Variants in NCOR1 observed in about 807,000 individuals in gnomAD.
NCOR1 encodes the protein nuclear receptor corepressor 1, also known as protein phosphatase 1, regulatory subunit 109.
A neutral mutation model predicts 288.1 loss-of-function variants in NCOR1; 63 were observed. The ratio of observed to expected loss-of-function variants is 0.22; its 90% CI spans 0.18 to 0.27. NCOR1 has a LOEUF of 0.27. Ranked by LOEUF, NCOR1 falls within the 10% of genes least tolerant of loss-of-function variation. NCOR1 has a pLI of 1.00. For missense variants in NCOR1, 2,397 were observed against 3,019.2 expected (o/e 0.79, Z 4.83); for synonymous variants, 1,007 against 1,065.9 (o/e 0.94, Z 1.08).
In NCOR1 at chr17:16,127,554, T is replaced by TGTGTATATATGTATGTATATACAC. The variant is rs2074734018; in HGVS notation, c.1510-1349_1510-1348insGTGTATATACATACATATATACAC. On this transcript the variant is annotated intron_variant, in intron 14 of 45. Coordinates refer to ENST00000268712, the MANE Select transcript of NCOR1 (RefSeq NM_006311.4). ...ATATATCTGCATGTATATATACACA[T>TGTGTATATATGTATGTATATACAC]GTGTATATATGTATGTATATATACA... Among the ~76,000 whole-genome samples, 3 of 141,502 alleles carry TGTGTATATATGTATGTATATACAC rather than the reference T, an allele frequency of 2.1e-5. 1 individual carries two copies. The highest frequency in any genetic ancestry group is 5.4e-5 in the African/African-American group (2 of 36,954). 92.8% of individuals were successfully genotyped at this position (141,502 alleles called of 152,430 possible). A position where few individuals can be genotyped will look rare whatever the true frequency, so the allele number is the denominator to read the frequency against.
At chr17:16,163,213 C>T (rs1043650830) in intron 5 of NCOR1, among the ~76,000 whole-genome samples, 8 of 152,054 alleles carry the variant, frequency 5.3e-5, no homozygotes, top group African/African-American at 1.9e-4. Context: ...TCAAAGGATA[C>T]TACCAGGAAA....
intron 6 of NCOR1, among the ~76,000 whole-genome samples, chr17:16,155,663 A>G (rs1194098408): frequency 1.3e-5 from 2 of 152,142 alleles, no homozygotes; most frequent in Non-Finnish European, 2.9e-5. Context: ...ACCTTTCTAA[A>G]TAAAAGAAAT....
At chr17:16,049,149 TAAAAC>T (rs1490793952) in intron 40 of NCOR1, 161 bp from the exon 41 acceptor site, 1 of 528,322 alleles carries the variant, frequency 1.9e-6, no homozygotes, top group Non-Finnish European at 3.0e-6. Flanking sequence ...TATACATAGT[TAAAAC>T]AAACAAACAA....
At chr17:16,035,028 GA>G in intron 44 of NCOR1, 84 bp from the exon 45 acceptor site, 23 of 1,300,816 alleles carry the variant, frequency 1.8e-5, no homozygotes, top group East Asian at 2.4e-5. Context: ...ATTGCTAAAT[GA>G]AAAAAAAGCA....
rs539222991 is a variant in NCOR1 at position 16,165,506 on chromosome 17, A to G, written c.436-345T>C. Among the ~76,000 whole-genome samples, 631 of 152,326 alleles carry G rather than the reference A, an allele frequency of 4.1e-3. 7 individuals are homozygous for G. The highest frequency in any genetic ancestry group is 0.015 in the African/African-American group (609 of 41,574). ...CCAACTTCTCAGCCATTTCCTTGCA[A>G]CGGCTCTTCAAATGGTCTGAACAAC... is the stretch of plus-strand genomic sequence containing the variant. On this transcript the variant is annotated intron_variant, in intron 4 of 45. Transcript: ENST00000268712.
rs770977157 is a variant in NCOR1, at chr17:16,058,586, C to A, written c.5895G>T (p.Arg1965Ser). 6 of 1,599,604 alleles carry A rather than the reference C, an allele frequency of 3.8e-6. No individual in the cohort carries two copies. Among genetic ancestry groups the A allele is most frequent in the Non-Finnish European group, 5.1e-6 (6 of 1,174,242 alleles). ...SDSSSSLSSH[R>S]YETPSDAIEV... ...CAATAGCATCGCTAGGTGTTTCATA[C>A]CTGTGAGAAGATACTTTAAGAAAAG... Residue 1965 changes from arginine (R) to serine (S), a missense_variant, in exon 38 of 46, where the codon AGG becomes AGT. Arg to Ser is a moderately radical substitution (Grantham distance 110). Transcript: ENST00000268712.
At chr17:16,071,317 C>A in intron 30 of NCOR1, 92 bp downstream of exon 30, 1 of 1,488,196 alleles carries the variant, frequency 6.7e-7, no homozygotes. Context: ...GGAGGTCTGA[C>A]ATCATAAGAA....
At chr17:16,094,517 G>C (rs1428472996) in intron 21 of NCOR1, among the ~76,000 whole-genome samples, 2 of 152,146 alleles carry the variant, frequency 1.3e-5, no homozygotes, top group East Asian at 3.9e-4. Flanking sequence ...GAAAAATTGA[G>C]AGTGTTGGAG....
At chr17:16,079,395 C>T (rs2063042725) in intron 26 of NCOR1, among the ~76,000 whole-genome samples, 1 of 152,154 alleles carries the variant, frequency 6.6e-6, no homozygotes, top group African/African-American at 2.4e-5. Context: ...CCCTCTTATG[C>T]ATATACATAA....
At chr17:16,092,798 A>T (rs1189592204) in intron 21 of NCOR1, among the ~76,000 whole-genome samples, 2 of 147,334 alleles carry the variant, frequency 1.4e-5, no homozygotes, top group Non-Finnish European at 3.0e-5. Flanking sequence ...TCCCGGGTTC[A>T]AGCAATTATC....
chr17:16,100,449 T>C (rs1231985821), intron 20 of NCOR1, among the ~76,000 whole-genome samples: 3 of 152,166 alleles, frequency 2.0e-5, no homozygotes, highest in Admixed American at 6.5e-5. Flanking sequence ...GAGACCAGCC[T>C]GGCCAACACG....
At chr17:16,181,607 C>T (rs960401580) in intron 3 of NCOR1, among the ~76,000 whole-genome samples, 3 of 152,026 alleles carry the variant, frequency 2.0e-5, no homozygotes, top group African/African-American at 7.2e-5. Context: ...TTTAGCTATT[C>T]GTCACCAAAA....
At position 16,138,182 on chromosome 17, in the gene NCOR1, T is replaced by C; in HGVS notation, c.1383A>G (p.Leu461=). 6.2e-7 allele frequency: 1 copy of C among 1,613,428 alleles called. No homozygotes were observed. Among genetic ancestry groups the C allele is most frequent in the Non-Finnish European group, 8.5e-7 (1 of 1,179,504 alleles). The part of the protein sequence containing the change: ...KFIQHPKNFG[L]IASYLERKSV... ...CCTTCCTCTCCAAGTATGATGCAATTAGTCCAAAGTTTTTTGGATGCTGGA... is the reference window on the plus strand; with the variant it reads ...CCTTCCTCTCCAAGTATGATGCAATCAGTCCAAAGTTTTTTGGATGCTGGA... Residue 461 remains leucine (L), a synonymous_variant, in exon 13 of 46, where the codon CTA becomes CTG. Transcript: ENST00000268712.
chr17:16,166,712 A>C (rs992489987), intron 4 of NCOR1, among the ~76,000 whole-genome samples: 2 of 151,942 alleles, frequency 1.3e-5, no homozygotes, highest in African/African-American at 4.8e-5. Flanking sequence ...GATTTGGTGT[A>C]TAACCATCTT....
chr17:16,167,929 AT>A (rs892805899), intron 4 of NCOR1, among the ~76,000 whole-genome samples: 3 of 151,934 alleles, frequency 2.0e-5, no homozygotes, highest in Non-Finnish European at 4.4e-5. Context: ...GTAATAACAA[AT>A]TAAAAAGGCA....
At chr17:16,108,588 T>A (rs1436575561) in intron 19 of NCOR1, among the ~76,000 whole-genome samples, 198 bp downstream of exon 19, 1 of 152,204 alleles carries the variant, frequency 6.6e-6, no homozygotes, top group African/African-American at 2.4e-5. Context: ...TTCCAAGATC[T>A]TCTGGACCAT....
At chr17:16,072,268 G>T in intron 28 of NCOR1, 40 bp from the exon 29 acceptor site, 1 of 1,471,586 alleles carries the variant, frequency 6.8e-7, no homozygotes, top group Non-Finnish European at 9.5e-7. Flanking sequence ...TCAACATAAT[G>T]TATATGTCAA....
rs1972005560 is a variant in NCOR1, at chr17:16,031,603, A to G, written c.*693T>C. 1 of 199,996 alleles carries G rather than the reference A, an allele frequency of 5.0e-6. No individual in the cohort carries two copies. 12.4% of individuals were successfully genotyped at this position (199,996 alleles called of 1,614,324 possible). A position where few individuals can be genotyped will look rare whatever the true frequency, so the allele number is the denominator to read the frequency against. ...TAATATTTTTTCAGTGCTACTAATG[A>G]AAAAAAAAAATTAAAGCCTGCACTG... On this transcript the variant is annotated 3_prime_UTR_variant, in exon 46 of 46. Transcript: ENST00000268712.
In NCOR1 at chr17:16,127,425, GTATATGTGTATGTA is replaced by G. The variant is rs2074609682; in HGVS notation, c.1510-1233_1510-1220del. Among the ~76,000 whole-genome samples, 2 of 139,484 alleles carry G rather than the reference GTATATGTGTATGTA, an allele frequency of 1.4e-5. 1 individual carries two copies. Among genetic ancestry groups the G allele is most frequent in the Non-Finnish European group, 3.1e-5 (2 of 65,338 alleles). The allele number at this position is 139,484 out of a possible 152,430, so 91.5% of individuals were successfully genotyped here. ...TATATGTGTATGTATATATACATGTGTATATGTGTATGTATATATGTGTATATGTATATATACGT... is the reference window on the plus strand; with the variant it reads ...TATATGTGTATGTATATATACATGTGTATATGTGTATATGTATATATACGT... On this transcript the variant is annotated intron_variant, in intron 14 of 45. Transcript: ENST00000268712.
Sources: allele counts gnomAD v4.1 joint callset (sites outside exome capture counted in the v4.1 genomes callset), GRCh38; gene constraint gnomAD v4.1.1; transcripts MANE v1.5; gene names NCBI Gene and HGNC (gene_info 2026-07-23, HGNC 2026-07-21).